ZFP28: variants seen among roughly 807,000 people sequenced by gnomAD.
ZFP28 encodes zinc finger protein 28 homolog.
ZFP28 carries 31 observed loss-of-function variants against 39.5 expected under a neutral mutation model. The ratio of observed to expected loss-of-function variants is 0.79; its 90% CI spans 0.59 to 1.06. ZFP28 has a LOEUF of 1.06. Ranked by LOEUF, ZFP28 falls within the 50% of genes least tolerant of loss-of-function variation. The pLI is 0.00. For missense variants in ZFP28, 925 were observed against 1,048.4 expected (o/e 0.88, Z 1.63); for synonymous variants, 400 against 378.6 (o/e 1.06, Z -0.66).
At chr19:56,544,081 A>G (rs1366836141) in intron 2 of ZFP28, among the ~76,000 whole-genome samples, 2 of 152,272 alleles carry the variant, frequency 1.3e-5, no homozygotes, top group East Asian at 1.9e-4. Context: ...TAAGATGTGT[A>G]TAGTGCCTGG....
intron 7 of ZFP28, chr19:56,551,754 G>C: frequency 1.1e-5 from 11 of 984,150 alleles, no homozygotes; most frequent in Non-Finnish European, 1.3e-5. Flanking sequence ...GAAAGAAGTT[G>C]AACATTTTTT....
chr19:56,537,288 G>C (rs570825651), upstream of ZFP28, among the ~76,000 whole-genome samples: 1 of 152,226 alleles, frequency 6.6e-6, no homozygotes, highest in African/African-American at 2.4e-5. Context: ...CTCTACAGCT[G>C]TTCTACCTGT....
At chr19:56,539,315 A>T in intron 1 of ZFP28, 89 bp downstream of exon 1, 1 of 1,330,070 alleles carries the variant, frequency 7.5e-7, no homozygotes, top group Middle Eastern at 2.0e-4. Flanking sequence ...CTCGGGGACC[A>T]GTTGCTGGAG....
At position 56,555,101 on chromosome 19, in the gene ZFP28, T is replaced by A. The variant is rs2044338826; in HGVS notation, c.2316T>A (p.Leu772=). 1.5e-5 allele frequency: 24 copies of A among 1,614,082 alleles called. No homozygotes were observed. Among genetic ancestry groups the A allele is most frequent in the Non-Finnish European group, 2.0e-5 (24 of 1,180,040 alleles). The part of the protein sequence containing the change: ...CGKAFSHRQS[L]SVHQRIHSGK... ...AAGCCTTTAGTCATCGTCAATCCCT[T>A]AGTGTACATCAGAGAATCCATTCTG... The change falls in exon 8 of 8, where the codon CTT becomes CTA. Residue 772 remains leucine (L), a synonymous_variant. Coordinates refer to ENST00000301318, the MANE Select transcript of ZFP28 (RefSeq NM_020828.2).
chr19:56,550,228 C>A, intron 6 of ZFP28, 47 bp downstream of exon 6: 1 of 1,525,670 alleles, frequency 6.6e-7, no homozygotes, highest in South Asian at 1.2e-5. Flanking sequence ...CGGGTACCTC[C>A]ATTTCCAAAC....
chr19:56,554,115 G>A lies in ZFP28; in HGVS notation c.1330G>A (p.Gly444Arg), dbSNP rs1033610007. 6.2e-6 allele frequency: 10 copies of A among 1,614,212 alleles called. No individual in the cohort carries two copies. Among genetic ancestry groups the A allele is most frequent in the Non-Finnish European group, 6.8e-6 (8 of 1,180,040 alleles). The change falls in exon 8 of 8, where the codon GGA (glycine) becomes AGA (arginine). Residue 444 changes from glycine (G) to arginine (R), a missense_variant. By Grantham distance (125) the Gly-to-Arg change is moderately radical. This residue lies in a region of ZFP28 where 556 missense variants were observed against 542.9 expected (regional missense o/e 1.02). Transcript: ENST00000301318. This position sits in a 1 kb window ranked among gnomAD's most constrained non-coding sequence, Gnocchi z 6.7. ...SLTVHQRIHT[G>R]EKPYKCNECG... is the part of the protein sequence containing the mutation. ...TACTGTTCATCAGAGAATTCACACT[G>A]GAGAGAAACCTTATAAATGTAATGA...
intron 7 of ZFP28, chr19:56,550,836 C>T (rs1421010640): frequency 4.8e-5 from 71 of 1,472,088 alleles, no homozygotes; most frequent in Admixed American, 1.2e-4. Context: ...GCCACTGGGA[C>T]GTGTATCATC....
intron 1 of ZFP28, 138 bp downstream of exon 1, chr19:56,539,364 A>G: frequency 1.0e-6 from 1 of 992,374 alleles, no homozygotes; most frequent in Non-Finnish European, 1.4e-6. Flanking sequence ...GGAGTGGGAG[A>G]ATCTGAAGAT....
Position 56,556,154 on chromosome 19 carries a change from A to G in ZFP28, c.*762A>G, listed in dbSNP as rs2044349309. 1 of 152,216 alleles carries G rather than the reference A, an allele frequency of 6.6e-6. No homozygotes were observed. The highest frequency in any genetic ancestry group is 1.5e-5 in the Non-Finnish European group (1 of 68,032). The allele number at this position is 152,216 out of a possible 1,614,324, so 9.4% of individuals were successfully genotyped here. A position where few individuals can be genotyped will look rare whatever the true frequency, so the allele number is the denominator to read the frequency against. On this transcript the variant is annotated 3_prime_UTR_variant, in exon 8 of 8. Transcript: ENST00000301318. Reference sequence around the variant, plus strand: ...CCACAGTCTCACTGACTGTTTTTGTATGGTCCATGATCTAGAATTTAAAAA... The same window carrying G: ...CCACAGTCTCACTGACTGTTTTTGTGTGGTCCATGATCTAGAATTTAAAAA...
In ZFP28 at chr19:56,554,432, T is replaced by A; in HGVS notation, c.1647T>A (p.Thr549=). 6.2e-7 allele frequency: 1 copy of A among 1,614,202 alleles called. No individual in the cohort carries two copies. ...CCTTCAGGTATGGTTCCTCCCTTAC[T>A]GTACATCAAAGGATTCATACCGGAG... is the stretch of plus-strand genomic sequence containing the variant. ...HKSFRYGSSL[T]VHQRIHTGEK... Residue 549 remains threonine (T), a synonymous_variant, in exon 8 of 8, where the codon ACT becomes ACA. Coordinates refer to ENST00000301318, the MANE Select transcript of ZFP28 (RefSeq NM_020828.2). The surrounding 1 kb of genome is among the most constrained non-coding windows in gnomAD (Gnocchi z 6.7).
chr19:56,543,929 G>A (rs2044217918), intron 2 of ZFP28, among the ~76,000 whole-genome samples: 1 of 152,168 alleles, frequency 6.6e-6, no homozygotes, highest in African/African-American at 2.4e-5. Context: ...AGTGGTCAAA[G>A]GTCATGGACT....
chr19:56,540,863 C>G (rs1278953293), intron 2 of ZFP28, among the ~76,000 whole-genome samples: 1 of 152,096 alleles, frequency 6.6e-6, no homozygotes, highest in Non-Finnish European at 1.5e-5. Context: ...CTACTGGGAT[C>G]TCACACTCAT....
rs193084660 is a variant in ZFP28 at position 56,550,269 on chromosome 19, G to T, written c.802+88G>T. 759 of 1,312,628 alleles carry T rather than the reference G, an allele frequency of 5.8e-4. 3 individuals are homozygous for T. The highest frequency in any genetic ancestry group is 2.3e-4 in the Non-Finnish European group (215 of 943,120). 81.3% of individuals were successfully genotyped at this position (1,312,628 alleles called of 1,614,324 possible). On this transcript the variant is annotated intron_variant, in intron 6 of 7. Coordinates refer to ENST00000301318, the MANE Select transcript of ZFP28 (RefSeq NM_020828.2). ...TTTTGAATTATGGAGGAGGGAGGGG[G>T]TGTCTTCTGACATGCTGGCCTGAAT...
chr19:56,537,723 C>A (rs572550290), upstream of ZFP28: 1 of 152,390 alleles, frequency 6.6e-6, no homozygotes, highest in East Asian at 1.9e-4. Context: ...AATTCCATCA[C>A]TGAGGCCAGG....
At position 56,553,818 on chromosome 19, in the gene ZFP28, T is replaced by G. The variant is rs2044325663; in HGVS notation, c.1033T>G (p.Phe345Val). 1 of 1,613,994 alleles carries G rather than the reference T, an allele frequency of 6.2e-7. No homozygotes were observed. Among genetic ancestry groups the G allele is most frequent in the South Asian group, 1.1e-5 (1 of 91,090 alleles). Residue 345 changes from phenylalanine to valine, a missense_variant, in exon 8 of 8, where the codon TTT (phenylalanine) becomes GTT (valine). Phe to Val is a conservative substitution (Grantham distance 50). This residue lies in a region of ZFP28 where 556 missense variants were observed against 542.9 expected (regional missense o/e 1.02). Coordinates refer to ENST00000301318, the MANE Select transcript of ZFP28 (RefSeq NM_020828.2). ...FRENWDSDYV[F>V]GRKLAVGQET... ...AGAAAATTGGGATTCTGACTATGTGTTTGGAAGGAAGCTTGCAGTAGGTCA... is the reference window on the plus strand; with the variant it reads ...AGAAAATTGGGATTCTGACTATGTGGTTGGAAGGAAGCTTGCAGTAGGTCA...
chr19:56,543,227 T>A (rs894400238), intron 2 of ZFP28, among the ~76,000 whole-genome samples: 1 of 151,206 alleles, frequency 6.6e-6, no homozygotes, highest in African/African-American at 2.4e-5. Context: ...TCTATGAAAT[T>A]TCAACAGAAA....
At position 56,539,068 on chromosome 19, in the gene ZFP28, G is replaced by A. The variant is rs994661045; in HGVS notation, c.50G>A (p.Gly17Asp). 10 of 1,523,706 alleles carry A rather than the reference G, an allele frequency of 6.6e-6. No individual in the cohort carries two copies. Among genetic ancestry groups the A allele is most frequent in the African/African-American group, 1.4e-5 (1 of 71,888 alleles). 94.4% of individuals were successfully genotyped at this position (1,523,706 alleles called of 1,614,324 possible). ...ASVREPTPLP[G>D]RGAPRTKPRA... ...GTCCGCGAGCCGACGCCGCTCCCGGGTAGAGGCGCCCCCCGCACAAAGCCC... is the reference window on the plus strand; with the variant it reads ...GTCCGCGAGCCGACGCCGCTCCCGGATAGAGGCGCCCCCCGCACAAAGCCC... Residue 17 changes from glycine (G) to aspartate (D), a missense_variant, in exon 1 of 8, where the codon GGT becomes GAT. Around this residue, in one of 2 missense-constraint regions of ZFP28, gnomAD observed 556 missense variants for 542.9 expected, o/e 1.02. Coordinates refer to ENST00000301318, the MANE Select transcript of ZFP28 (RefSeq NM_020828.2).
chr19:56,542,644 T>C (rs1278096167), intron 2 of ZFP28, among the ~76,000 whole-genome samples: 1 of 152,256 alleles, frequency 6.6e-6, no homozygotes, highest in Non-Finnish European at 1.5e-5. Context: ...AGAAAATATT[T>C]GGTGGATGAA....
At chr19:56,551,774 G>A (rs987540304) in intron 7 of ZFP28, 1 of 983,870 alleles carries the variant, frequency 1.0e-6, no homozygotes, top group Non-Finnish European at 1.2e-6. Context: ...TCGTAAATTT[G>A]GTTTTTCTCT....
Sources: gnomAD v4.1 joint callset for allele counts (sites outside exome capture counted in the v4.1 genomes callset) on GRCh38, gnomAD v4.1.1 for gene constraint, gnomAD v4.1.1 regional missense constraint, Gnocchi (gnomAD v3.1) non-coding constraint, MANE v1.5 for transcripts, NCBI Gene and HGNC (gene_info 2026-07-23, HGNC 2026-07-21) for gene names.